LRRC40: variants seen among roughly 807,000 people sequenced by gnomAD.
The protein encoded by LRRC40 is leucine-rich repeat-containing protein 40.
Under a neutral mutation model 72.8 loss-of-function variants are expected in LRRC40, and 76 were observed. That is an observed-to-expected ratio of 1.04 (90% CI 0.87 to 1.26). LRRC40 has a LOEUF of 1.26. Ranked by LOEUF, LRRC40 falls within the 50% of genes most tolerant of loss-of-function variation. LRRC40 has a pLI of 0.00. For synonymous variants in LRRC40, 243 were observed against 254.2 expected, an observed-to-expected ratio of 0.96 and a Z score of 0.42; for missense variants, 684 against 698.9, an observed-to-expected ratio of 0.98 and a Z score of 0.24.
intron 9 of LRRC40, among the ~76,000 whole-genome samples, chr1:70,165,696 GAAGTGTCCC>G (rs1189480458): frequency 6.6e-6 from 1 of 151,990 alleles, no homozygotes; most frequent in African/African-American, 2.4e-5. Flanking sequence ...ATGAAGCAAT[GAAGTGTCCC>G]AACTTTTTCC....
intron 10 of LRRC40, among the ~76,000 whole-genome samples, chr1:70,157,541 T>C (rs528307433): frequency 3.8e-4 from 58 of 152,144 alleles, no homozygotes; most frequent in African/African-American, 1.3e-3. Flanking sequence ...ACTTTATAGA[T>C]TGTCTGCATG....
At chr1:70,161,465 T>A (rs1333660331) in intron 9 of LRRC40, among the ~76,000 whole-genome samples, 3 of 148,988 alleles carry the variant, frequency 2.0e-5, no homozygotes, top group Admixed American at 6.7e-5. Flanking sequence ...GGCAGGAGAA[T>A]GGTGTGAAGC....
At chr1:70,178,715 G>A (rs1668164314) in intron 6 of LRRC40, 136 bp downstream of exon 6, 2 of 428,018 alleles carry the variant, frequency 4.7e-6, no homozygotes, top group Admixed American at 4.3e-5. Context: ...ATTCTGAAAA[G>A]TATTAACATA....
intron 9 of LRRC40, among the ~76,000 whole-genome samples, chr1:70,170,308 A>G (rs1458731509): frequency 6.6e-6 from 1 of 152,216 alleles, no homozygotes; most frequent in Non-Finnish European, 1.5e-5. Flanking sequence ...TTACTTAACA[A>G]TGAAAAACTA....
chr1:70,151,163 C>T lies in LRRC40; in HGVS notation c.1482G>A (p.Leu494=). ...AAAGATTGATCGTTTGCAGTCTTAC[C>T]AGTGATTCCATTTCTTCTGGCAAAG... is the stretch of plus-strand genomic sequence containing the variant. ...LNSLPEEMES[L]VRLQTINLSF... is the part of the protein sequence containing the mutation. The change falls in exon 13 of 15, where the codon CTG becomes CTA. Residue 494 remains leucine (L), a synonymous_variant. Transcript: ENST00000370952. 6.3e-7 allele frequency: 1 copy of T among 1,588,072 alleles called. No individual in the cohort carries two copies. The highest frequency in any genetic ancestry group is 8.6e-7 in the Non-Finnish European group (1 of 1,158,336).
chr1:70,201,190 T>C (rs1176070177), intron 1 of LRRC40, among the ~76,000 whole-genome samples: 2 of 151,970 alleles, frequency 1.3e-5, no homozygotes, highest in African/African-American at 4.8e-5. Context: ...AACAACTAAA[T>C]ATATTTTGAA....
At chr1:70,194,717 A>G (rs1668571099) in intron 1 of LRRC40, among the ~76,000 whole-genome samples, 1 of 152,250 alleles carries the variant, frequency 6.6e-6, no homozygotes, top group Non-Finnish European at 1.5e-5. Context: ...TAACAAGCCA[A>G]TTCTAAAATG....
intron 11 of LRRC40, among the ~76,000 whole-genome samples, 184 bp from the exon 12 acceptor site, chr1:70,152,727 A>T (rs571206927): frequency 1.1e-4 from 17 of 152,258 alleles, no homozygotes; most frequent in African/African-American, 4.1e-4. Context: ...ATAATTTTTC[A>T]AAAAAGGCTC....
intron 1 of LRRC40, among the ~76,000 whole-genome samples, chr1:70,204,892 A>T (rs1668880220): frequency 6.6e-6 from 1 of 152,156 alleles, no homozygotes; most frequent in Non-Finnish European, 1.5e-5. Flanking sequence ...TCAACTTAGA[A>T]AATATACTCA....
chr1:70,186,617 AT>A (rs942169722), intron 3 of LRRC40, among the ~76,000 whole-genome samples: 3 of 152,194 alleles, frequency 2.0e-5, no homozygotes, highest in East Asian at 1.9e-4. Flanking sequence ...TTCCTGAACC[AT>A]TTTTTTCTAC....
chr1:70,182,233 G>C (rs1231870559), intron 4 of LRRC40, among the ~76,000 whole-genome samples: 2 of 151,846 alleles, frequency 1.3e-5, no homozygotes, highest in Non-Finnish European at 2.9e-5. Context: ...AGAATCAAAA[G>C]ATTGCTAATA....
At chr1:70,165,292 A>C (rs1003440252) in intron 9 of LRRC40, among the ~76,000 whole-genome samples, 9 of 152,224 alleles carry the variant, frequency 5.9e-5, no homozygotes, top group African/African-American at 2.2e-4. Flanking sequence ...ATCCTACATG[A>C]ATTACTGCAC....
At chr1:70,154,717 T>C (rs1397612004) in intron 11 of LRRC40, among the ~76,000 whole-genome samples, 1 of 152,164 alleles carries the variant, frequency 6.6e-6, no homozygotes, top group Non-Finnish European at 1.5e-5. Flanking sequence ...CATTCAACTT[T>C]CTCAATTCAT....
At chr1:70,158,945 T>C (rs1457298451) in intron 10 of LRRC40, among the ~76,000 whole-genome samples, 1 of 152,198 alleles carries the variant, frequency 6.6e-6, no homozygotes, top group Non-Finnish European at 1.5e-5. Context: ...CTCTCAAGCA[T>C]AGTAAAACAC....
At chr1:70,153,161 G>C (rs1667548506) in intron 11 of LRRC40, among the ~76,000 whole-genome samples, 2 of 152,096 alleles carry the variant, frequency 1.3e-5, no homozygotes, top group South Asian at 2.1e-4. Context: ...AGGAGTTCAA[G>C]ACCAGCTTGG....
chr1:70,188,280 T>C (rs923185008), intron 2 of LRRC40, among the ~76,000 whole-genome samples: 6 of 152,206 alleles, frequency 3.9e-5, no homozygotes, highest in Non-Finnish European at 7.3e-5. Context: ...ATATACTCCT[T>C]GTGCTTCACT....
intron 13 of LRRC40, among the ~76,000 whole-genome samples, chr1:70,149,762 A>G (rs1018323038): frequency 7.9e-5 from 12 of 152,180 alleles, no homozygotes; most frequent in African/African-American, 2.9e-4. Flanking sequence ...AATGAGCAAT[A>G]TTTTAACATC....
At chr1:70,203,996 T>A (rs1668818342) in intron 1 of LRRC40, among the ~76,000 whole-genome samples, 1 of 152,240 alleles carries the variant, frequency 6.6e-6, no homozygotes, top group South Asian at 2.1e-4. Flanking sequence ...TCATTTAAAA[T>A]CATTTTATGT....
In LRRC40 at chr1:70,178,776, T is replaced by A. The variant is rs982007734; in HGVS notation, c.804+75A>T. On this transcript the variant is annotated intron_variant, in intron 6 of 14. Coordinates refer to ENST00000370952, the MANE Select transcript of LRRC40 (RefSeq NM_017768.5). ...TACACACTCCCAATGTAAAACAAGATTAGCTCCTTTAAAAATGCATTTTAA... is the reference window on the plus strand; with the variant it reads ...TACACACTCCCAATGTAAAACAAGAATAGCTCCTTTAAAAATGCATTTTAA... The A allele has an allele frequency of 1.1e-5, 10 of 934,040 alleles. No individual in the cohort carries two copies. The African/African-American group carries it at 1.7e-4, about 16-fold the overall frequency. The allele number at this position is 934,040 out of a possible 1,614,324, so 57.9% of individuals were successfully genotyped here.
Sources: gnomAD v4.1 joint callset for allele counts (sites outside exome capture counted in the v4.1 genomes callset) on GRCh38, gnomAD v4.1.1 for gene constraint, MANE v1.5 for transcripts, NCBI Gene and HGNC (gene_info 2026-07-23, HGNC 2026-07-21) for gene names.